Variants in SLC16A2 observed in about 807,000 individuals in gnomAD.
The protein encoded by SLC16A2 is solute carrier family 16 member 2.
In SLC16A2, 3 loss-of-function variants were observed where a neutral mutation model predicts 27.2. That is an observed-to-expected ratio of 0.11 (90% confidence interval 0.05 to 0.28). The LOEUF is 0.28. Among genes scored for constraint, SLC16A2 ranks in the 10% least tolerant of loss-of-function variants. SLC16A2 has a pLI of 1.00. For synonymous variants in SLC16A2, 202 were observed against 187.8 expected (o/e 1.08, Z -0.62); for missense variants, 295 against 458.5 (o/e 0.64, Z 3.26).
chrX:74,424,522 T>C (rs2147834988), intron 1 of SLC16A2, among the ~76,000 whole-genome samples: 1 of 112,144 alleles, frequency 8.9e-6, no homozygotes, highest in Admixed American at 9.5e-5. Flanking sequence ...CAGCCGTCTG[T>C]GCCACAGCAC....
At chrX:74,506,937 ATTT>A (rs34001854) in intron 1 of SLC16A2, among the ~76,000 whole-genome samples, 22 of 84,045 alleles carry the variant, frequency 2.6e-4, no homozygotes, top group African/African-American at 1.0e-3. Flanking sequence ...TTATTTATTT[ATTT>A]TTTTTTTTTT....
At chrX:74,487,780 CTT>C (rs1318254213) in intron 1 of SLC16A2, among the ~76,000 whole-genome samples, 2 of 111,473 alleles carry the variant, frequency 1.8e-5, no homozygotes, top group Non-Finnish European at 3.8e-5. Flanking sequence ...TCAGAGTTAA[CTT>C]TTGTTGCCCT....
At chrX:74,443,311 A>G (rs748430108) in intron 1 of SLC16A2, among the ~76,000 whole-genome samples, 40 of 111,814 alleles carry the variant, frequency 3.6e-4, no homozygotes, top group Non-Finnish European at 7.0e-4. Flanking sequence ...TGGATATCTG[A>G]TTCCATATCT....
intron 1 of SLC16A2, among the ~76,000 whole-genome samples, chrX:74,485,243 A>C (rs1239063414): frequency 9.1e-6 from 1 of 109,781 alleles, no homozygotes; most frequent in African/African-American, 3.3e-5. Context: ...AATTAAGGAA[A>C]AAGCCAACAA....
intron 1 of SLC16A2, among the ~76,000 whole-genome samples, chrX:74,464,898 C>G (rs762776643): frequency 1.8e-5 from 2 of 111,124 alleles, no homozygotes; most frequent in African/African-American, 3.3e-5. Context: ...AGTTTGAGAC[C>G]AGCCTGGGCA....
At chrX:74,437,106 T>C (rs1315138883) in intron 1 of SLC16A2, among the ~76,000 whole-genome samples, 1 of 111,697 alleles carries the variant, frequency 9.0e-6, no homozygotes, top group Non-Finnish European at 1.9e-5. Flanking sequence ...CACAGCGGGG[T>C]GCCCCGTGTC....
chrX:74,474,787 T>C (rs1463938539), intron 1 of SLC16A2, among the ~76,000 whole-genome samples: 1 of 110,869 alleles, frequency 9.0e-6, no homozygotes, highest in Non-Finnish European at 1.9e-5. Context: ...GCTTCATCCA[T>C]GTCCCTACAA....
At chrX:74,487,130 T>G (rs1004599881) in intron 1 of SLC16A2, among the ~76,000 whole-genome samples, 1 of 111,307 alleles carries the variant, frequency 9.0e-6, no homozygotes, top group Non-Finnish European at 1.9e-5. Context: ...TTACCTTTTT[T>G]GGTGAAAAAG....
At chrX:74,528,938 ACTT>A (rs777663115) in intron 4 of SLC16A2, among the ~76,000 whole-genome samples, 55 of 112,101 alleles carry the variant, frequency 4.9e-4, no homozygotes, top group African/African-American at 1.7e-3. Context: ...TGCAAGACAA[ACTT>A]CTTGAGGCCA....
At chrX:74,441,485 G>A (rs371095989) in intron 1 of SLC16A2, among the ~76,000 whole-genome samples, 1 of 112,101 alleles carries the variant, frequency 8.9e-6, no homozygotes, top group Non-Finnish European at 1.9e-5. Context: ...ATTTATTTAA[G>A]GTTTCTGCAA....
chrX:74,454,740 C>T lies in SLC16A2; in HGVS notation c.430+32673C>T, dbSNP rs892460430. ...CTTAAAATAAAAAAAAAAATTCTACCGCTGGGCTTTTGACTACACTAAGCC... is the reference window on the plus strand; with the variant it reads ...CTTAAAATAAAAAAAAAAATTCTACTGCTGGGCTTTTGACTACACTAAGCC... On this transcript the variant is annotated intron_variant, in intron 1 of 5. Coordinates refer to ENST00000587091, the MANE Select transcript of SLC16A2 (RefSeq NM_006517.5). Among the ~76,000 whole-genome samples the T allele has an allele frequency of 9.9e-5, 11 of 111,130 alleles. 1 individual carries two copies. The highest frequency in any genetic ancestry group is 8.5e-3 in the Middle Eastern group (2 of 235).
At chrX:74,527,629 G>A (rs1363681119) in intron 4 of SLC16A2, among the ~76,000 whole-genome samples, 1 of 112,207 alleles carries the variant, frequency 8.9e-6, no homozygotes, top group Non-Finnish European at 1.9e-5. Flanking sequence ...CAATTCTTGA[G>A]GCCTGTTTCT....
chrX:74,528,863 C>T (rs982656503), intron 4 of SLC16A2, among the ~76,000 whole-genome samples: 11 of 111,986 alleles, frequency 9.8e-5, no homozygotes, highest in African/African-American at 3.6e-4. Flanking sequence ...AGACCCTGAT[C>T]CCTGGGGAAG....
At chrX:74,436,135 T>C (rs766918709) in intron 1 of SLC16A2, among the ~76,000 whole-genome samples, 1 of 111,012 alleles carries the variant, frequency 9.0e-6, no homozygotes, top group Non-Finnish European at 1.9e-5. Context: ...ATCTACCTCA[T>C]AGTCTCTATC....
At chrX:74,513,213 C>T in intron 1 of SLC16A2, among the ~76,000 whole-genome samples, 1 of 111,921 alleles carries the variant, frequency 8.9e-6, no homozygotes, top group Non-Finnish European at 1.9e-5. Context: ...ATGCTTTCTC[C>T]CTGATGGAAT....
At chrX:74,427,614 C>T (rs761703744) in intron 1 of SLC16A2, among the ~76,000 whole-genome samples, 1 of 111,582 alleles carries the variant, frequency 9.0e-6, no homozygotes, top group African/African-American at 3.3e-5. Flanking sequence ...CTTTTCCCAC[C>T]AGCCTCATTT....
At chrX:74,429,414 A>G (rs1363516515) in intron 1 of SLC16A2, among the ~76,000 whole-genome samples, 2 of 109,147 alleles carry the variant, frequency 1.8e-5, no homozygotes, top group Non-Finnish European at 3.8e-5. Flanking sequence ...TGACGTTGCA[A>G]TGAGCCATGA....
At chrX:74,501,595 C>A (rs1389042520) in intron 1 of SLC16A2, among the ~76,000 whole-genome samples, 4 of 111,253 alleles carry the variant, frequency 3.6e-5, no homozygotes, top group Non-Finnish European at 7.5e-5. Flanking sequence ...GGTGGGCCCC[C>A]CCTCTGCTCC....
intron 1 of SLC16A2, among the ~76,000 whole-genome samples, chrX:74,506,784 G>A (rs939951336): frequency 9.0e-6 from 1 of 110,936 alleles, no homozygotes; most frequent in Non-Finnish European, 1.9e-5. Flanking sequence ...AGTAGAAGGA[G>A]CACAGGATTA....
Sources: allele counts gnomAD v4.1 joint callset (sites outside exome capture counted in the v4.1 genomes callset), GRCh38; gene constraint gnomAD v4.1.1; transcripts MANE v1.5; gene names NCBI Gene and HGNC (gene_info 2026-07-23, HGNC 2026-07-21).